Variants in MARCHF1 observed in about 807,000 individuals in gnomAD.
MARCHF1 encodes E3 ubiquitin-protein ligase MARCHF1.
MARCHF1 carries 40 observed loss-of-function variants against 54.2 expected under a neutral mutation model. The observed-to-expected ratio is 0.74, with a 90% CI of 0.57 to 0.96. The LOEUF (loss-of-function observed/expected upper bound fraction) is 0.96, where lower values mean the gene tolerates loss of function less well. MARCHF1 is among the 40% of genes least tolerant of loss of function. The pLI, the probability that MARCHF1 is intolerant of heterozygous loss-of-function variation, is 0.00. For missense variants in MARCHF1, 586 were observed against 656.5 expected (o/e 0.89, Z 1.17); for synonymous variants, 236 against 236.3 (o/e 1.00, Z 0.01).
chr4:163,685,547 T>A (rs1430739817), intron 5 of MARCHF1, among the ~76,000 whole-genome samples: 1 of 152,158 alleles, frequency 6.6e-6, no homozygotes, highest in Non-Finnish European at 1.5e-5. Flanking sequence ...CTCCGCCTCC[T>A]GGGTTGAAGC....
At chr4:163,871,940 G>T (rs1336175571) in intron 3 of MARCHF1, among the ~76,000 whole-genome samples, 1 of 152,068 alleles carries the variant, frequency 6.6e-6, no homozygotes, top group East Asian at 1.9e-4. Context: ...AGTTTTATTT[G>T]TCAGTGAAAG....
chr4:164,288,597 TAGAA>T (rs1000315682), intron 1 of MARCHF1, among the ~76,000 whole-genome samples: 17 of 151,776 alleles, frequency 1.1e-4, no homozygotes, highest in African/African-American at 4.1e-4. Flanking sequence ...ATGGGAAAAA[TAGAA>T]AGTCATCAAG....
chr4:164,357,087 A>C (rs1404211777), intron 1 of MARCHF1, among the ~76,000 whole-genome samples: 1 of 150,942 alleles, frequency 6.6e-6, no homozygotes, highest in Non-Finnish European at 1.5e-5. Flanking sequence ...ACAAATCTGC[A>C]TATGCACCCC....
At position 163,661,614 on chromosome 4, in the gene MARCHF1, A is replaced by G. The variant is rs1270297760; in HGVS notation, c.162+39199T>C. 2.0e-5 allele frequency among the ~76,000 whole-genome samples: 3 copies of G among 152,030 alleles called. No individual in the cohort carries two copies. The East Asian group carries it at 5.8e-4, about 29-fold the overall frequency. On this transcript the variant is annotated intron_variant, in intron 5 of 9. Transcript: ENST00000514618. ...ACTTTAAAAAGTTTTTAATAGCTTT[A>G]TTGATGTATAATTGACATGCAATAA...
chr4:164,130,433 C>G (rs544923137), intron 1 of MARCHF1, among the ~76,000 whole-genome samples: 1 of 152,046 alleles, frequency 6.6e-6, no homozygotes, highest in African/African-American at 2.4e-5. Context: ...TTCCCTTTTT[C>G]ACTCCTCAAG....
At chr4:164,087,617 T>G (rs1433009891) in intron 2 of MARCHF1, among the ~76,000 whole-genome samples, 2 of 152,170 alleles carry the variant, frequency 1.3e-5, no homozygotes, top group Admixed American at 1.3e-4. Context: ...ATGAATGTAC[T>G]CTGTTCACAA....
chr4:163,825,659 C>T (rs2111072867), intron 4 of MARCHF1, among the ~76,000 whole-genome samples: 1 of 152,016 alleles, frequency 6.6e-6, no homozygotes, highest in African/African-American at 2.4e-5. Context: ...GATGGTATCT[C>T]ATTATGGTTT....
rs1373640851 is a variant in MARCHF1 at position 164,036,117 on chromosome 4, CA to C, written c.-247-47409del. On this transcript the variant is annotated intron_variant, in intron 2 of 9. Coordinates refer to ENST00000514618, the MANE Select transcript of MARCHF1 (RefSeq NM_001394959.1). ...GATTCTGTCTCAAAAAAAAAAAAAA[CA>C]AAAAACAAAAAACAAAAAAAAAAAC... Among the ~76,000 whole-genome samples, 4 of 104,062 alleles carry C rather than the reference CA, an allele frequency of 3.8e-5. No individual in the cohort carries two copies. The East Asian group carries it at 1.1e-3, about 29-fold the overall frequency. 68.3% of individuals were successfully genotyped at this position (104,062 alleles called of 152,430 possible).
intron 4 of MARCHF1, among the ~76,000 whole-genome samples, chr4:163,826,564 T>C (rs1318949107): frequency 6.6e-6 from 1 of 152,028 alleles, no homozygotes; most frequent in African/African-American, 2.4e-5. Flanking sequence ...GCTCTAAACA[T>C]GCGCTGTATT....
At chr4:163,700,885 A>G in intron 4 of MARCHF1, 22 bp from the exon 5 acceptor site, 1 of 1,514,756 alleles carries the variant, frequency 6.6e-7, no homozygotes, top group Non-Finnish European at 8.9e-7. Context: ...AATGGGAAAC[A>G]TTAATTAAAA....
At chr4:163,563,401 A>G (rs1317033632) in intron 8 of MARCHF1, among the ~76,000 whole-genome samples, 4 of 152,074 alleles carry the variant, frequency 2.6e-5, no homozygotes, top group Admixed American at 6.5e-5. Context: ...TAAATGTACT[A>G]TTTTCTTTCC....
At chr4:164,046,148 GA>G (rs537826818) in intron 2 of MARCHF1, among the ~76,000 whole-genome samples, 94 of 152,336 alleles carry the variant, frequency 6.2e-4, no homozygotes, top group African/African-American at 2.2e-3. Context: ...GTTGCATTAG[GA>G]GAGGAACTTC....
intron 4 of MARCHF1, among the ~76,000 whole-genome samples, chr4:163,790,901 T>C (rs950636224): frequency 3.3e-5 from 5 of 152,078 alleles, no homozygotes; most frequent in Admixed American, 2.6e-4. Flanking sequence ...AAGGGGCAAG[T>C]ATTTATGTCA....
intron 1 of MARCHF1, among the ~76,000 whole-genome samples, chr4:164,332,030 C>T (rs1324700486): frequency 6.6e-6 from 1 of 152,184 alleles, no homozygotes; most frequent in Non-Finnish European, 1.5e-5. Flanking sequence ...TTACCTCTAT[C>T]TTTCTTTCTA....
chr4:163,963,719 T>C (rs1752384940), intron 3 of MARCHF1, among the ~76,000 whole-genome samples: 1 of 151,958 alleles, frequency 6.6e-6, no homozygotes, highest in South Asian at 2.1e-4. Context: ...CAGAATTCTT[T>C]TTCTCTCTCT....
chr4:164,222,413 G>C (rs756007512), intron 1 of MARCHF1, among the ~76,000 whole-genome samples: 2 of 151,854 alleles, frequency 1.3e-5, no homozygotes, highest in Non-Finnish European at 2.9e-5. Context: ...TATATTTTGT[G>C]TATATTAGAA....
intron 3 of MARCHF1, among the ~76,000 whole-genome samples, chr4:163,854,513 A>G (rs1358254998): frequency 6.6e-6 from 1 of 152,174 alleles, no homozygotes; most frequent in African/African-American, 2.4e-5. Context: ...ATAAGAATAG[A>G]CCTGGTTCCT....
chr4:164,002,230 T>C (rs1753198797), intron 2 of MARCHF1, among the ~76,000 whole-genome samples: 1 of 151,706 alleles, frequency 6.6e-6, no homozygotes, highest in Non-Finnish European at 1.5e-5. Context: ...GAAAATGTAA[T>C]TCTGACCTTA....
At chr4:164,091,410 T>TTATACATATATATATA (rs1755297606) in intron 2 of MARCHF1, among the ~76,000 whole-genome samples, 1 of 136,944 alleles carries the variant, frequency 7.3e-6, no homozygotes, top group African/African-American at 2.7e-5. Flanking sequence ...TCACCAAGTT[T>TTATACATATATATATA]TATATATATA....
Sources: gnomAD v4.1 joint callset for allele counts (sites outside exome capture counted in the v4.1 genomes callset) on GRCh38, gnomAD v4.1.1 for gene constraint, MANE v1.5 for transcripts, NCBI Gene and HGNC (gene_info 2026-07-23, HGNC 2026-07-21) for gene names.